The following PARD3B variants were observed in gnomAD, a reference collection of about 807,000 sequenced individuals.
The protein encoded by PARD3B is par-3 family cell polarity regulator beta, also known as partitioning defective 3 homolog B.
Under a neutral mutation model 130.2 loss-of-function variants are expected in PARD3B, and 103 were observed. The ratio of observed to expected loss-of-function variants is 0.79; its 90% CI spans 0.67 to 0.93. The LOEUF (loss-of-function observed/expected upper bound fraction) is 0.93, where lower values mean the gene tolerates loss of function less well. Among genes scored for constraint, PARD3B ranks in the 40% least tolerant of loss-of-function variants. The pLI, the probability that PARD3B is intolerant of heterozygous loss-of-function variation, is 0.00. For missense variants in PARD3B, 1,609 were observed against 1,499.2 expected, an observed-to-expected ratio of 1.07 and a Z score of -1.21; for synonymous variants, 583 against 553.2, an observed-to-expected ratio of 1.05 and a Z score of -0.76.
chr2:205,344,338 A>T (rs2043667804), intron 18 of PARD3B, among the ~76,000 whole-genome samples: 1 of 152,104 alleles, frequency 6.6e-6, no homozygotes, highest in South Asian at 2.1e-4. Flanking sequence ...ATATTAAATG[A>T]GAACCTACTA....
chr2:204,928,245 A>G (rs751680428), intron 2 of PARD3B, among the ~76,000 whole-genome samples: 3 of 152,030 alleles, frequency 2.0e-5, no homozygotes, highest in Non-Finnish European at 2.9e-5. Context: ...CCTTGTTCTC[A>G]TAGTAGTGGG....
At chr2:205,382,939 C>A (rs2045505923) in intron 18 of PARD3B, among the ~76,000 whole-genome samples, 1 of 151,838 alleles carries the variant, frequency 6.6e-6, no homozygotes, top group East Asian at 1.9e-4. Flanking sequence ...TCATAGGTTC[C>A]CCGCCACAGC....
At chr2:205,022,487 G>A (rs980332815) in intron 3 of PARD3B, among the ~76,000 whole-genome samples, 2 of 152,138 alleles carry the variant, frequency 1.3e-5, no homozygotes, top group South Asian at 4.1e-4. Context: ...TTTTTAAATA[G>A]AGTTTTTCCC....
At chr2:204,846,237 C>G (rs1221979880) in intron 2 of PARD3B, among the ~76,000 whole-genome samples, 2 of 151,994 alleles carry the variant, frequency 1.3e-5, no homozygotes, top group African/African-American at 4.8e-5. Flanking sequence ...AAGATAGATT[C>G]AGTGTTGGCT....
At chr2:205,331,265 C>CACACA (rs2043114830) in intron 18 of PARD3B, among the ~76,000 whole-genome samples, 9 of 148,724 alleles carry the variant, frequency 6.1e-5, no homozygotes, top group East Asian at 4.1e-4. Flanking sequence ...CACATATATT[C>CACACA]CACACACACA....
intron 6 of PARD3B, 51 bp from the exon 7 acceptor site, chr2:205,118,870 A>G: frequency 7.9e-7 from 1 of 1,268,246 alleles, no homozygotes; most frequent in Non-Finnish European, 1.1e-6. Context: ...TGGAGAAATA[A>G]TTAGCATTTA....
intron 10 of PARD3B, among the ~76,000 whole-genome samples, chr2:205,157,505 T>C (rs1575998872): frequency 6.6e-6 from 1 of 152,138 alleles, no homozygotes; most frequent in East Asian, 1.9e-4. Context: ...TGGGGAGGGG[T>C]TGAAAATGCC....
intron 3 of PARD3B, among the ~76,000 whole-genome samples, chr2:204,971,938 G>A (rs528891117): frequency 3.3e-5 from 5 of 150,192 alleles, no homozygotes; most frequent in East Asian, 2.0e-4. Flanking sequence ...CCCAAAGCAT[G>A]AGCCACCACG....
At chr2:205,509,041 G>A (rs932051090) in intron 21 of PARD3B, among the ~76,000 whole-genome samples, 23 of 151,178 alleles carry the variant, frequency 1.5e-4, no homozygotes, top group Non-Finnish European at 2.1e-4. Context: ...TGACATATAA[G>A]CTATATGGGA....
chr2:205,231,771 A>C (rs1237890952), intron 15 of PARD3B, among the ~76,000 whole-genome samples: 2 of 152,208 alleles, frequency 1.3e-5, no homozygotes, highest in Admixed American at 1.3e-4. Flanking sequence ...AGGGGGTTAG[A>C]GTGTACAGAG....
intron 4 of PARD3B, among the ~76,000 whole-genome samples, chr2:205,063,884 T>A (rs1238789717): frequency 6.6e-6 from 1 of 152,020 alleles, no homozygotes; most frequent in Non-Finnish European, 1.5e-5. Flanking sequence ...ATACAGAACA[T>A]AGGATCTGTT....
chr2:205,559,799 A>G (rs1002392918), intron 22 of PARD3B, among the ~76,000 whole-genome samples: 21 of 152,154 alleles, frequency 1.4e-4, no homozygotes, highest in Middle Eastern at 3.4e-3. Context: ...AGGTTTCACC[A>G]TGTTGGCCAG....
At chr2:204,874,065 C>T (rs1227473845) in intron 2 of PARD3B, among the ~76,000 whole-genome samples, 4 of 152,170 alleles carry the variant, frequency 2.6e-5, no homozygotes, top group African/African-American at 7.2e-5. Context: ...ATTGCTTAAA[C>T]CTGGGAGGCA....
At chr2:204,681,019 T>C (rs2036804097) in intron 1 of PARD3B, among the ~76,000 whole-genome samples, 1 of 152,182 alleles carries the variant, frequency 6.6e-6, no homozygotes, top group South Asian at 2.1e-4. Flanking sequence ...ATTTTTTGTT[T>C]CCTATCAAGT....
intron 19 of PARD3B, among the ~76,000 whole-genome samples, chr2:205,437,184 G>C (rs555820771): frequency 6.6e-6 from 1 of 152,286 alleles, no homozygotes; most frequent in East Asian, 1.9e-4. Flanking sequence ...CAAGGCATGA[G>C]ATTATGGTCG....
intron 10 of PARD3B, among the ~76,000 whole-genome samples, chr2:205,143,017 A>T (rs761918451): frequency 6.6e-6 from 1 of 152,180 alleles, no homozygotes; most frequent in Non-Finnish European, 1.5e-5. Flanking sequence ...TCCTGTGCTG[A>T]TAAGGTCAGG....
intron 19 of PARD3B, among the ~76,000 whole-genome samples, chr2:205,435,298 C>G (rs1193895443): frequency 1.3e-5 from 2 of 151,896 alleles, no homozygotes; most frequent in Non-Finnish European, 2.9e-5. Context: ...ATAGTATGAC[C>G]CTATGTTCTA....
chr2:204,730,573 TAAAAAAAAAAAG>T (rs1331731350), intron 2 of PARD3B, among the ~76,000 whole-genome samples: 1 of 99,296 alleles, frequency 1.0e-5, no homozygotes, highest in African/African-American at 4.6e-5. Context: ...GATGCAGGGG[TAAAAAAAAAAAG>T]AAAAAAAAAA....
chr2:204,855,339 T>C (rs1393296824), intron 2 of PARD3B, among the ~76,000 whole-genome samples: 1 of 152,006 alleles, frequency 6.6e-6, no homozygotes, highest in Non-Finnish European at 1.5e-5. Context: ...GGTCAAGAGA[T>C]TGAGACCATC....
Sources: gnomAD v4.1 joint callset for allele counts (sites outside exome capture counted in the v4.1 genomes callset) on GRCh38, gnomAD v4.1.1 for gene constraint, MANE v1.5 for transcripts, NCBI Gene and HGNC (gene_info 2026-07-23, HGNC 2026-07-21) for gene names.